The following CRIM1 variants were observed in gnomAD, a reference collection of about 807,000 sequenced individuals.
CRIM1 encodes cysteine rich transmembrane BMP regulator 1.
CRIM1 carries 32 observed loss-of-function variants against 116.4 expected under a neutral mutation model. The ratio of observed to expected loss-of-function variants is 0.27; its 90% CI spans 0.21 to 0.37. The LOEUF (loss-of-function observed/expected upper bound fraction) is 0.37, where lower values mean the gene tolerates loss of function less well. Ranked by LOEUF, CRIM1 falls within the 10% of genes least tolerant of loss-of-function variation. The pLI is 1.00. For synonymous variants in CRIM1, 590 were observed against 509.2 expected (o/e 1.16, Z -2.13); for missense variants, 1,331 against 1,354.8 (o/e 0.98, Z 0.28).
chr2:36,393,349 C>A (rs866825023), intron 1 of CRIM1, among the ~76,000 whole-genome samples: 3 of 152,076 alleles, frequency 2.0e-5, no homozygotes, highest in Middle Eastern at 3.4e-3. Context: ...TATCTTGAAA[C>A]ATAGTTTTCC....
intron 14 of CRIM1, 96 bp downstream of exon 14, chr2:36,537,642 A>C: frequency 7.4e-7 from 1 of 1,342,890 alleles, no homozygotes; most frequent in Non-Finnish European, 1.0e-6. Context: ...TCATTCGTTC[A>C]CACGGCCCAA....
chr2:36,376,702 T>A (rs991006024), intron 1 of CRIM1, among the ~76,000 whole-genome samples: 1 of 152,192 alleles, frequency 6.6e-6, no homozygotes, highest in African/African-American at 2.4e-5. Flanking sequence ...ATTGTCTGGA[T>A]CTCCTTTAGT....
At chr2:36,544,717 C>T (rs965407075) in intron 15 of CRIM1, among the ~76,000 whole-genome samples, 1 of 152,188 alleles carries the variant, frequency 6.6e-6, no homozygotes, top group African/African-American at 2.4e-5. Context: ...CTTCCTGGCC[C>T]TCTGTGCTCA....
chr2:36,378,475 G>C (rs981139696), intron 1 of CRIM1: 28 of 465,726 alleles, frequency 6.0e-5, no homozygotes, highest in South Asian at 3.1e-4. Flanking sequence ...CATTCATTCT[G>C]AGGTGCCTGG....
intron 4 of CRIM1, among the ~76,000 whole-genome samples, chr2:36,461,467 G>T (rs1307484396): frequency 6.6e-6 from 1 of 152,150 alleles, no homozygotes; most frequent in Non-Finnish European, 1.5e-5. Flanking sequence ...AGCATTTCCT[G>T]TTCATGACTC....
chr2:36,543,338 A>T (rs1667085593), intron 14 of CRIM1, among the ~76,000 whole-genome samples: 1 of 152,212 alleles, frequency 6.6e-6, no homozygotes, highest in South Asian at 2.1e-4. Context: ...CTTAAGGTTT[A>T]CTTCTCAAAA....
chr2:36,367,573 G>A (rs943796098), intron 1 of CRIM1, among the ~76,000 whole-genome samples: 1 of 152,174 alleles, frequency 6.6e-6, no homozygotes, highest in African/African-American at 2.4e-5. Flanking sequence ...AGGTTCTACT[G>A]GTCATAAGAT....
chr2:36,421,408 A>G (rs771361604), intron 2 of CRIM1, among the ~76,000 whole-genome samples: 1 of 152,194 alleles, frequency 6.6e-6, no homozygotes, highest in Non-Finnish European at 1.5e-5. Context: ...TCTTGATGGG[A>G]CTTTTTTCAA....
At chr2:36,383,368 A>T (rs889114569) in intron 1 of CRIM1, among the ~76,000 whole-genome samples, 3 of 152,268 alleles carry the variant, frequency 2.0e-5, no homozygotes, top group Non-Finnish European at 2.9e-5. Flanking sequence ...CTGAATTATT[A>T]TAAAGTTTAT....
intron 10 of CRIM1, chr2:36,513,320 A>G (rs1664810746): frequency 3.9e-6 from 2 of 511,612 alleles, no homozygotes; most frequent in Admixed American, 6.6e-5. Context: ...ATAAAAAATC[A>G]GCGATCATCC....
In CRIM1 at chr2:36,549,286, A is replaced by C. The variant is rs1011499098; in HGVS notation, c.*585A>C. Reference sequence around the variant, plus strand: ...CAAGTTTCTTTTCTATACAGTCACAACTGCAGTAGGCAGTGAGGAAGCCAG... The same window carrying C: ...CAAGTTTCTTTTCTATACAGTCACACCTGCAGTAGGCAGTGAGGAAGCCAG... On this transcript the variant is annotated 3_prime_UTR_variant, in exon 17 of 17. Coordinates refer to ENST00000280527, the MANE Select transcript of CRIM1 (RefSeq NM_016441.3). 6.5e-6 allele frequency: 1 copy of C among 152,706 alleles called. No individual in the cohort carries two copies. Among genetic ancestry groups the C allele is most frequent in the African/African-American group, 2.4e-5 (1 of 41,444 alleles). 9.5% of individuals were successfully genotyped at this position (152,706 alleles called of 1,614,324 possible).
chr2:36,392,795 G>A (rs1671714711), intron 1 of CRIM1, among the ~76,000 whole-genome samples: 1 of 152,116 alleles, frequency 6.6e-6, no homozygotes, highest in Non-Finnish European at 1.5e-5. Context: ...ACAAAGTATT[G>A]ATTAGGAGCG....
chr2:36,441,593 A>G, intron 3 of CRIM1, 93 bp downstream of exon 3: 3 of 1,475,604 alleles, frequency 2.0e-6, no homozygotes, highest in Non-Finnish European at 2.8e-6. Flanking sequence ...CTTTCACACG[A>G]AGATGGGCCT....
At chr2:36,457,441 A>G (rs1395424936) in intron 4 of CRIM1, among the ~76,000 whole-genome samples, 3 of 152,198 alleles carry the variant, frequency 2.0e-5, no homozygotes, top group Admixed American at 1.3e-4. Flanking sequence ...CTCACTGTAC[A>G]CAGGGGAGGG....
chr2:36,368,636 G>A (rs1261541736), intron 1 of CRIM1, among the ~76,000 whole-genome samples: 1 of 152,134 alleles, frequency 6.6e-6, no homozygotes, highest in Non-Finnish European at 1.5e-5. Flanking sequence ...TTCCCATTGG[G>A]CATTTATTCA....
chr2:36,458,296 G>T (rs960523426), intron 4 of CRIM1, among the ~76,000 whole-genome samples: 1 of 152,136 alleles, frequency 6.6e-6, no homozygotes, highest in African/African-American at 2.4e-5. Flanking sequence ...CTGGGGTGAC[G>T]GGGCGAGGCA....
chr2:36,395,798 C>T (rs78156125), intron 1 of CRIM1, among the ~76,000 whole-genome samples: 3,346 of 152,194 alleles, frequency 0.022, 98 homozygotes, highest in East Asian at 0.074. Context: ...TCTCCCCAAA[C>T]GCATTAGAGG....
At chr2:36,433,758 A>C (rs992013353) in intron 2 of CRIM1, among the ~76,000 whole-genome samples, 9 of 152,188 alleles carry the variant, frequency 5.9e-5, no homozygotes, top group African/African-American at 2.2e-4. Context: ...TTACAGTCTT[A>C]CAGATCACTT....
chr2:36,512,284 A>G lies in CRIM1; in HGVS notation c.1670A>G (p.His557Arg). ...TTTTAATTACCCAGGAAGAATAAGCACGGCTGTGACATCTGTCGCTGTAAG... is the reference window on the plus strand; with the variant it reads ...TTTTAATTACCCAGGAAGAATAAGCGCGGCTGTGACATCTGTCGCTGTAAG... ...YCPLGLLKNK[H>R]GCDICRCKKC... Residue 557 changes from histidine (H) to arginine (R), a missense_variant, in exon 10 of 17, where the codon CAC (histidine) becomes CGC (arginine). Around this residue, in one of 3 missense-constraint regions of CRIM1, gnomAD observed 358 missense variants for 436.1 expected, o/e 0.82. Coordinates refer to ENST00000280527, the MANE Select transcript of CRIM1 (RefSeq NM_016441.3). The G allele has an allele frequency of 6.2e-7, 1 of 1,613,136 alleles. No individual in the cohort carries two copies. Among genetic ancestry groups the G allele is most frequent in the Non-Finnish European group, 8.5e-7 (1 of 1,179,120 alleles).
Sources: allele counts gnomAD v4.1 joint callset (sites outside exome capture counted in the v4.1 genomes callset), GRCh38; gene constraint gnomAD v4.1.1; regional missense constraint gnomAD v4.1.1; transcripts MANE v1.5; gene names NCBI Gene and HGNC (gene_info 2026-07-23, HGNC 2026-07-21).